PPHLN1: variants seen among roughly 807,000 people sequenced by gnomAD.
PPHLN1 encodes periphilin-1.
In PPHLN1, 29 loss-of-function variants were observed where a neutral mutation model predicts 51.3. The ratio of observed to expected loss-of-function variants is 0.57; its 90% CI spans 0.42 to 0.77. PPHLN1 has a LOEUF of 0.77. Ranked by LOEUF, PPHLN1 falls within the 30% of genes least tolerant of loss-of-function variation. The pLI is 0.00. For missense variants in PPHLN1, 436 were observed against 438.4 expected, an observed-to-expected ratio of 0.99 and a Z score of 0.05; for synonymous variants, 147 against 147.8, an observed-to-expected ratio of 0.99 and a Z score of 0.04.
At chr12:42,433,949 T>TA (rs570532586) in intron 9 of PPHLN1, among the ~76,000 whole-genome samples, 25 of 152,262 alleles carry the variant, frequency 1.6e-4, no homozygotes, top group African/African-American at 5.8e-4. Context: ...AAATTTATTT[T>TA]AAAAAAACAT....
At chr12:42,351,620 T>C (rs2073371639) in intron 2 of PPHLN1, 1 of 243,362 alleles carries the variant, frequency 4.1e-6, no homozygotes, top group Admixed American at 5.6e-5. Flanking sequence ...AATGATAATA[T>C]TGTATTTTTT....
At chr12:42,387,249 C>A in intron 6 of PPHLN1, 1 of 431,216 alleles carries the variant, frequency 2.3e-6, no homozygotes, top group Non-Finnish European at 3.9e-6. Context: ...TCTATGATAT[C>A]CTTTGGTTCC....
intron 4 of PPHLN1, among the ~76,000 whole-genome samples, chr12:42,362,918 CCT>C (rs1302349527): frequency 6.6e-6 from 1 of 152,098 alleles, no homozygotes; most frequent in African/African-American, 2.4e-5. Context: ...GTAATGTCTC[CCT>C]GTTTGTCAAA....
rs142157302 is a variant in PPHLN1, at chr12:42,372,132, TACAC to T, written c.300-2723_300-2720del. 5.2e-3 allele frequency among the ~76,000 whole-genome samples: 787 copies of T among 152,268 alleles called. 3 individuals carry two copies. Among genetic ancestry groups the T allele is most frequent in the African/African-American group, 0.01 (429 of 41,540 alleles). The stretch of plus-strand genomic sequence containing the variant: ...GGTGGACACTATATACATTATATAA[TACAC>T]ACACACATATCTGAAAAAATGGCTA... On this transcript the variant is annotated intron_variant, in intron 4 of 9. Coordinates refer to ENST00000358314, the MANE Select transcript of PPHLN1 (RefSeq NM_201439.2).
At chr12:42,340,329 AG>A (rs61335938) in intron 2 of PPHLN1, among the ~76,000 whole-genome samples, 21,790 of 148,378 alleles carry the variant, frequency 0.15, 1,471 homozygotes, top group Admixed American at 0.19. Flanking sequence ...AAAAAAAAAA[AG>A]ATTTAAAAAT....
At chr12:42,445,420 G>A, downstream of PPHLN1, 1 of 342,774 alleles carries the variant, frequency 2.9e-6, no homozygotes, top group Non-Finnish European at 5.4e-6. Flanking sequence ...AATCAGTTAT[G>A]GCAAACAGAT....
At chr12:42,375,314 G>GTTTT in intron 5 of PPHLN1, 1 of 181,622 alleles carries the variant, frequency 5.5e-6, no homozygotes, top group Non-Finnish European at 1.1e-5. Flanking sequence ...GCATGTAAAA[G>GTTTT]GTTTTTTTTT....
At chr12:42,416,806 A>G (rs1246482342) in intron 9 of PPHLN1, among the ~76,000 whole-genome samples, 1 of 152,198 alleles carries the variant, frequency 6.6e-6, no homozygotes, top group African/African-American at 2.4e-5. Context: ...TATAGATTGT[A>G]TTTTACTGAA....
chr12:42,381,416 T>A (rs2076749835), intron 5 of PPHLN1, among the ~76,000 whole-genome samples: 1 of 152,202 alleles, frequency 6.6e-6, no homozygotes. Context: ...TTTCCTTATA[T>A]GTTTAAAAAT....
At chr12:42,445,230 T>C, downstream of PPHLN1, 1 of 644,672 alleles carries the variant, frequency 1.6e-6, no homozygotes, top group Admixed American at 2.4e-5. Context: ...GGTTATGATG[T>C]CACTGCTTAA....
chr12:42,416,137 A>G (rs537114700), intron 9 of PPHLN1, among the ~76,000 whole-genome samples: 58 of 152,292 alleles, frequency 3.8e-4, no homozygotes, highest in Non-Finnish European at 6.9e-4. Flanking sequence ...TAGTGTGGGT[A>G]AAATCATCTT....
chr12:42,405,055 T>G (rs1419293578), intron 9 of PPHLN1, among the ~76,000 whole-genome samples: 2 of 152,174 alleles, frequency 1.3e-5, no homozygotes, highest in Non-Finnish European at 2.9e-5. Context: ...AAATTTTTTT[T>G]GCTTATTTTG....
chr12:42,390,825 T>G (rs1255613627), intron 7 of PPHLN1, among the ~76,000 whole-genome samples: 2 of 150,712 alleles, frequency 1.3e-5, no homozygotes, highest in African/African-American at 2.4e-5. Context: ...GAAGTTTTTT[T>G]TTTTTTTTTT....
At chr12:42,418,996 A>G (rs532203450) in intron 9 of PPHLN1, among the ~76,000 whole-genome samples, 2 of 152,258 alleles carry the variant, frequency 1.3e-5, no homozygotes, top group South Asian at 4.1e-4. Flanking sequence ...CCCGCATTAC[A>G]AATAAGGAAA....
At chr12:42,404,449 A>C (rs937139972) in intron 9 of PPHLN1, among the ~76,000 whole-genome samples, 2 of 152,110 alleles carry the variant, frequency 1.3e-5, no homozygotes, top group African/African-American at 4.8e-5. Flanking sequence ...GAATCACTTG[A>C]ACCTGGGAGG....
chr12:42,341,377 A>T (rs1454511464), intron 2 of PPHLN1, among the ~76,000 whole-genome samples: 2 of 152,150 alleles, frequency 1.3e-5, no homozygotes, highest in African/African-American at 2.4e-5. Context: ...ATAAAGTGCA[A>T]CGTGAAGTGG....
intron 9 of PPHLN1, among the ~76,000 whole-genome samples, chr12:42,412,205 CAAAAAA>C (rs2079927735): frequency 6.6e-6 from 1 of 151,712 alleles, no homozygotes; most frequent in Non-Finnish European, 1.5e-5. Context: ...ACTCTTGTCT[CAAAAAA>C]TAAAAAAAGA....
At chr12:42,341,938 G>T (rs936506466) in intron 2 of PPHLN1, among the ~76,000 whole-genome samples, 3 of 152,152 alleles carry the variant, frequency 2.0e-5, no homozygotes, top group Non-Finnish European at 4.4e-5. Flanking sequence ...AATTCTTTAT[G>T]TATAAATAGT....
At chr12:42,345,048 A>G (rs116857359) in intron 2 of PPHLN1, among the ~76,000 whole-genome samples, 2 of 152,126 alleles carry the variant, frequency 1.3e-5, no homozygotes, top group Admixed American at 1.3e-4. Flanking sequence ...ATATTGAATC[A>G]AATAACCATC....
Sources: gnomAD v4.1 joint callset for allele counts (sites outside exome capture counted in the v4.1 genomes callset) on GRCh38, gnomAD v4.1.1 for gene constraint, MANE v1.5 for transcripts, NCBI Gene and HGNC (gene_info 2026-07-23, HGNC 2026-07-21) for gene names.